PACRG: variants seen among roughly 807,000 people sequenced by gnomAD.
PACRG encodes parkin coregulated gene protein.
A neutral mutation model predicts 29.7 loss-of-function variants in PACRG; 29 were observed. The ratio of observed to expected loss-of-function variants is 0.98; its 90% CI spans 0.73 to 1.33. The LOEUF (loss-of-function observed/expected upper bound fraction) is 1.33, where lower values mean the gene tolerates loss of function less well. Among genes scored for constraint, PACRG ranks in the 40% most tolerant of loss-of-function variants. The pLI, the probability that PACRG is intolerant of heterozygous loss-of-function variation, is 0.00. For missense variants in PACRG, 279 were observed against 316.2 expected (o/e 0.88, Z 0.89); for synonymous variants, 116 against 118.7 (o/e 0.98, Z 0.15).
At chr6:162,919,364 TC>T (rs1426047906) in intron 2 of PACRG, among the ~76,000 whole-genome samples, 5 of 152,172 alleles carry the variant, frequency 3.3e-5, no homozygotes, top group Non-Finnish European at 7.3e-5. Flanking sequence ...GGTGTTAATT[TC>T]CCTGGTACTG....
intron 4 of PACRG, among the ~76,000 whole-genome samples, chr6:163,313,547 A>G (rs1341064189): frequency 1.3e-5 from 2 of 152,248 alleles, no homozygotes; most frequent in Non-Finnish European, 2.9e-5. Flanking sequence ...ATGACTAATT[A>G]AGGATAAAAG....
intron 2 of PACRG, among the ~76,000 whole-genome samples, chr6:162,948,916 A>T (rs949308325): frequency 7.2e-5 from 11 of 152,132 alleles, no homozygotes; most frequent in African/African-American, 2.7e-4. Flanking sequence ...AATGTAAATT[A>T]TTATAGCCAG....
intron 2 of PACRG, among the ~76,000 whole-genome samples, chr6:162,858,344 C>T (rs1333718154): frequency 6.6e-6 from 1 of 152,078 alleles, no homozygotes; most frequent in Non-Finnish European, 1.5e-5. Context: ...CATGAGAACT[C>T]ACTCGCTATT....
At chr6:163,148,971 GGGGGGGGGGGTGGA>G (rs1173429176) in intron 4 of PACRG, among the ~76,000 whole-genome samples, 2 of 94,538 alleles carry the variant, frequency 2.1e-5, no homozygotes, top group Non-Finnish European at 4.6e-5. Flanking sequence ...CGGGGGGGGG[GGGGGGGGGGGTGGA>G]AAAATGTCCC....
intron 2 of PACRG, among the ~76,000 whole-genome samples, chr6:162,867,504 C>T (rs143245929): frequency 1.8e-3 from 281 of 152,184 alleles, no homozygotes; most frequent in African/African-American, 6.4e-3. Flanking sequence ...ACCTTGAAGC[C>T]GCTTCAGGTT....
chr6:162,814,146 G>T lies in PACRG; in HGVS notation c.157-1G>T. 1.2e-6 allele frequency: 2 copies of T among 1,605,414 alleles called. No individual in the cohort carries two copies. The highest frequency in any genetic ancestry group is 1.7e-5 in the Admixed American group (1 of 59,174). On this transcript the variant is annotated splice_acceptor_variant, in intron 1 of 4. Coordinates refer to ENST00000366888, the MANE Select transcript of PACRG (RefSeq NM_001080379.2). LOFTEE classifies it high-confidence loss of function. ...TCCCTATTTTTTTTTTTCCAATTAA[G>T]GTGAGAGGCCCTCCAGCTGCAGGGG...
At position 163,269,867 on chromosome 6, in the gene PACRG, G is replaced by GAGAAAGAGAA. The variant is rs1783686892; in HGVS notation, c.614-44953_614-44952insGAAAGAAAGA. ...AAAGAAAGAAAGAAAGAGAAAGAAA[G>GAGAAAGAGAA]AGAAAGAAAGAAAGAAAGAAAGAAA... On this transcript the variant is annotated intron_variant, in intron 4 of 4. Coordinates refer to ENST00000366888, the MANE Select transcript of PACRG (RefSeq NM_001080379.2). Among the ~76,000 whole-genome samples, 2 of 56,740 alleles carry GAGAAAGAGAA rather than the reference G, an allele frequency of 3.5e-5. 1 individual carries two copies. The highest frequency in any genetic ancestry group is 1.7e-4 in the African/African-American group (2 of 12,086). The allele number at this position is 56,740 out of a possible 152,430, so 37.2% of individuals were successfully genotyped here.
chr6:163,294,941 TG>T, intron 4 of PACRG, among the ~76,000 whole-genome samples: 1 of 152,358 alleles, frequency 6.6e-6, no homozygotes, highest in Middle Eastern at 3.4e-3. Context: ...TGATGTTTGG[TG>T]GTTGAACTTA....
At chr6:163,038,912 G>A (rs1352775636) in intron 2 of PACRG, among the ~76,000 whole-genome samples, 1 of 152,100 alleles carries the variant, frequency 6.6e-6, no homozygotes, top group African/African-American at 2.4e-5. Flanking sequence ...TGTGTTTCAG[G>A]TGCCTGTTAT....
chr6:163,209,034 A>G (rs1317395755), intron 4 of PACRG, among the ~76,000 whole-genome samples: 1 of 152,218 alleles, frequency 6.6e-6, no homozygotes, highest in Non-Finnish European at 1.5e-5. Context: ...GAAGCACAAG[A>G]CAAAGTAATC....
intron 2 of PACRG, among the ~76,000 whole-genome samples, chr6:162,987,987 G>A (rs1241478851): frequency 6.6e-6 from 1 of 152,160 alleles, no homozygotes; most frequent in African/African-American, 2.4e-5. Flanking sequence ...GAGTTGGTTG[G>A]CCTCCACCCA....
At chr6:162,892,964 C>G (rs1253724940) in intron 2 of PACRG, among the ~76,000 whole-genome samples, 1 of 150,182 alleles carries the variant, frequency 6.7e-6, no homozygotes, top group Admixed American at 6.6e-5. Flanking sequence ...ACCTCAGCCT[C>G]AAGAGCCTCG....
intron 2 of PACRG, among the ~76,000 whole-genome samples, chr6:162,878,927 G>A (rs1048771919): frequency 1.3e-5 from 2 of 152,090 alleles, no homozygotes; most frequent in East Asian, 1.9e-4. Flanking sequence ...TGCTATTATA[G>A]AATGGCTCTT....
chr6:163,141,515 G>A (rs554589727), intron 4 of PACRG, among the ~76,000 whole-genome samples: 36 of 150,672 alleles, frequency 2.4e-4, no homozygotes, highest in Admixed American at 1.5e-3. Context: ...GTTTTCAGTC[G>A]TCAGCCAAAG....
At chr6:162,982,968 T>G (rs780967326) in intron 2 of PACRG, among the ~76,000 whole-genome samples, 19 of 152,120 alleles carry the variant, frequency 1.2e-4, no homozygotes, top group Non-Finnish European at 2.4e-4. Context: ...AATAATTGTT[T>G]AGAAATTTGG....
At chr6:162,921,101 A>G (rs1326895707) in intron 2 of PACRG, among the ~76,000 whole-genome samples, 8 of 152,236 alleles carry the variant, frequency 5.3e-5, no homozygotes, top group Non-Finnish European at 1.0e-4. Context: ...CTTGAATGTT[A>G]ATGTGTTTTT....
At chr6:163,200,892 C>A (rs1381437305) in intron 4 of PACRG, among the ~76,000 whole-genome samples, 4 of 152,188 alleles carry the variant, frequency 2.6e-5, no homozygotes, top group Non-Finnish European at 5.9e-5. Context: ...CGCCCTGCAC[C>A]ACCGGCATTC....
intron 1 of PACRG, among the ~76,000 whole-genome samples, chr6:162,794,870 T>G (rs1267899157): frequency 1.3e-5 from 2 of 152,058 alleles, no homozygotes; most frequent in South Asian, 2.1e-4. Flanking sequence ...TAATAAACAA[T>G]AAGCATTACA....
At chr6:163,285,931 C>G (rs1215483832) in intron 4 of PACRG, among the ~76,000 whole-genome samples, 2 of 145,716 alleles carry the variant, frequency 1.4e-5, no homozygotes, top group African/African-American at 4.9e-5. Flanking sequence ...ATGACTCCAT[C>G]CCTTCATGAC....
Sources: gnomAD v4.1 joint callset for allele counts (sites outside exome capture counted in the v4.1 genomes callset) on GRCh38, gnomAD v4.1.1 for gene constraint, MANE v1.5 for transcripts, NCBI Gene and HGNC (gene_info 2026-07-23, HGNC 2026-07-21) for gene names.